The following ATP8A1 variants were observed in gnomAD, a reference collection of about 807,000 sequenced individuals.
ATP8A1 encodes ATPase phospholipid transporting 8A1, also known as phospholipid-transporting ATPase IA.
ATP8A1 carries 90 observed loss-of-function variants against 177.7 expected under a neutral mutation model. The ratio of observed to expected loss-of-function variants is 0.51; its 90% CI spans 0.43 to 0.60. The LOEUF is 0.60. ATP8A1 is among the 20% of genes least tolerant of loss of function. The pLI is 0.00. For missense variants in ATP8A1, 1,072 were observed against 1,392.8 expected, an observed-to-expected ratio of 0.77 and a Z score of 3.67; for synonymous variants, 493 against 485.9, an observed-to-expected ratio of 1.01 and a Z score of -0.19.
chr4:42,587,400 C>T (rs1355891388), intron 8 of ATP8A1, among the ~76,000 whole-genome samples: 2 of 150,792 alleles, frequency 1.3e-5, no homozygotes, highest in Admixed American at 6.6e-5. Context: ...CTCCGCCTCT[C>T]GGGTTCAAGC....
intron 8 of ATP8A1, 121 bp from the exon 9 acceptor site, chr4:42,586,597 A>G: frequency 1.1e-6 from 1 of 944,448 alleles, no homozygotes; most frequent in Non-Finnish European, 1.6e-6. Flanking sequence ...TTTATAAGCA[A>G]TTCTCCTCTA....
At chr4:42,474,780 G>T (rs1201384366) in intron 25 of ATP8A1, among the ~76,000 whole-genome samples, 1 of 152,118 alleles carries the variant, frequency 6.6e-6, no homozygotes, top group African/African-American at 2.4e-5. Flanking sequence ...AGCTTTTGCT[G>T]TTCCTCCAAA....
At position 42,412,665 on chromosome 4, in the gene ATP8A1, A is replaced by G; in HGVS notation, c.*251T>C. 2.8e-6 allele frequency: 1 copy of G among 363,348 alleles called. No individual in the cohort carries two copies. The highest frequency in any genetic ancestry group is 5.0e-6 in the Non-Finnish European group (1 of 200,988). 22.5% of individuals were successfully genotyped at this position (363,348 alleles called of 1,614,324 possible). ...TAAGAAAGCCCTCTGGCAAGATACC[A>G]GGTCATTTTCAATTTCCGTTTACAA... On this transcript the variant is annotated 3_prime_UTR_variant, in exon 37 of 37. Transcript: ENST00000381668.
At chr4:42,582,513 T>TC (rs1226219566) in intron 9 of ATP8A1, among the ~76,000 whole-genome samples, 145 of 30,410 alleles carry the variant, frequency 4.8e-3, no homozygotes, top group East Asian at 0.016. Flanking sequence ...ACACTCTCTC[T>TC]CCCCCCCCAC....
At chr4:42,620,645 T>A (rs1345313606) in intron 4 of ATP8A1, among the ~76,000 whole-genome samples, 1 of 152,216 alleles carries the variant, frequency 6.6e-6, no homozygotes, top group Middle Eastern at 3.2e-3. Flanking sequence ...ACAGCCCCAG[T>A]GTGACTTTGG....
chr4:42,529,288 G>C (rs992557571), intron 20 of ATP8A1, among the ~76,000 whole-genome samples: 1 of 152,170 alleles, frequency 6.6e-6, no homozygotes, highest in Non-Finnish European at 1.5e-5. Context: ...TAGGATTTTG[G>C]AGCAAGGCCC....
intron 5 of ATP8A1, among the ~76,000 whole-genome samples, chr4:42,611,975 T>C (rs534949420): frequency 1.3e-5 from 2 of 152,168 alleles, no homozygotes; most frequent in Non-Finnish European, 2.9e-5. Flanking sequence ...TAAGGTTAGA[T>C]ACAAGGAAAA....
chr4:42,641,921 G>A (rs200112823), intron 1 of ATP8A1, among the ~76,000 whole-genome samples: 3 of 152,064 alleles, frequency 2.0e-5, no homozygotes, highest in Non-Finnish European at 4.4e-5. Context: ...ATGAGTCAGT[G>A]GAGTTTAACT....
chr4:42,624,067 T>C (rs1195869775), intron 4 of ATP8A1, among the ~76,000 whole-genome samples: 2 of 152,086 alleles, frequency 1.3e-5, no homozygotes, highest in African/African-American at 4.8e-5. Context: ...AATAGCTAAT[T>C]TGGTTACTAT....
chr4:42,528,259 T>C (rs987996996), intron 20 of ATP8A1, among the ~76,000 whole-genome samples: 6 of 151,972 alleles, frequency 3.9e-5, no homozygotes, highest in Admixed American at 2.6e-4. Flanking sequence ...ACTGGTAGGG[T>C]GAGGGCTATT....
chr4:42,554,546 G>A (rs1286466484), intron 16 of ATP8A1, among the ~76,000 whole-genome samples: 1 of 152,154 alleles, frequency 6.6e-6, no homozygotes, highest in East Asian at 1.9e-4. Flanking sequence ...ATACTGATAG[G>A]GCCCCACTTG....
intron 4 of ATP8A1, among the ~76,000 whole-genome samples, chr4:42,616,528 A>G (rs1736933746): frequency 6.6e-6 from 1 of 152,188 alleles, no homozygotes; most frequent in African/African-American, 2.4e-5. Flanking sequence ...TTTGTTACCG[A>G]ATTAAGCTGA....
intron 29 of ATP8A1, among the ~76,000 whole-genome samples, chr4:42,454,933 C>T (rs902744210): frequency 6.6e-6 from 1 of 152,170 alleles, no homozygotes; most frequent in African/African-American, 2.4e-5. Flanking sequence ...CCTTACCAGT[C>T]CTAGATGACT....
At chr4:42,634,382 T>G (rs1183776295) in intron 1 of ATP8A1, among the ~76,000 whole-genome samples, 1 of 152,248 alleles carries the variant, frequency 6.6e-6, no homozygotes, top group Non-Finnish European at 1.5e-5. Context: ...GTTACATGTA[T>G]TGTTCAAATT....
chr4:42,515,960 T>C (rs1725486677), intron 22 of ATP8A1, among the ~76,000 whole-genome samples: 1 of 152,218 alleles, frequency 6.6e-6, no homozygotes, highest in East Asian at 1.9e-4. Flanking sequence ...AAATTAATCC[T>C]TAGTGATAGC....
intron 19 of ATP8A1, 111 bp downstream of exon 19, chr4:42,548,902 C>G: frequency 1.2e-6 from 1 of 829,768 alleles, no homozygotes; most frequent in Middle Eastern, 2.6e-4. Context: ...TTTGTCTAAA[C>G]AAATTTAGTT....
Position 42,545,980 on chromosome 4 carries a change from G to T in ATP8A1, c.1653-1994C>A, listed in dbSNP as rs1012466704. ...CAGAGAGACACTCTGTCTCGGTTTG[G>T]GGGTGGGAAGAAATCCCTTTTCTTT... is the stretch of plus-strand genomic sequence containing the variant. On this transcript the variant is annotated intron_variant, in intron 19 of 36. Transcript: ENST00000381668. 2.2e-4 allele frequency among the ~76,000 whole-genome samples: 34 copies of T among 152,058 alleles called. 1 individual carries two copies. The highest frequency in any genetic ancestry group is 5.9e-5 in the Non-Finnish European group (4 of 68,004).
intron 22 of ATP8A1, among the ~76,000 whole-genome samples, chr4:42,519,714 G>A (rs1725914986): frequency 6.6e-6 from 1 of 152,234 alleles, no homozygotes; most frequent in Non-Finnish European, 1.5e-5. Flanking sequence ...TTCATTTGGA[G>A]CAGGCTGGCT....
At chr4:42,636,144 A>ACG (rs1190820272) in intron 1 of ATP8A1, among the ~76,000 whole-genome samples, 4 of 28,670 alleles carry the variant, frequency 1.4e-4, no homozygotes, top group African/African-American at 3.1e-4. Flanking sequence ...ACACACACAC[A>ACG]CACACACACA....
Sources: gnomAD v4.1 joint callset for allele counts (sites outside exome capture counted in the v4.1 genomes callset) on GRCh38, gnomAD v4.1.1 for gene constraint, MANE v1.5 for transcripts, NCBI Gene and HGNC (gene_info 2026-07-23, HGNC 2026-07-21) for gene names.